Variants in NKAIN2 observed in about 807,000 individuals in gnomAD.
NKAIN2 encodes the protein sodium/potassium transporting ATPase interacting 2, also known as sodium/potassium-transporting ATPase subunit beta-1-interacting protein 2.
A neutral mutation model predicts 32.6 loss-of-function variants in NKAIN2; 14 were observed. That is an observed-to-expected ratio of 0.43 (90% CI 0.28 to 0.67). The LOEUF (loss-of-function observed/expected upper bound fraction) is 0.67. NKAIN2 is among the 30% of genes least tolerant of loss of function. The probability of loss-of-function intolerance (pLI) is 0.17; values close to 1 mark genes in which losing one functional copy is unlikely to be tolerated. For missense variants in NKAIN2, 198 were observed against 258.3 expected, an observed-to-expected ratio of 0.77 and a Z score of 1.60; for synonymous variants, 80 against 87.2, an observed-to-expected ratio of 0.92 and a Z score of 0.46.
At chr6:124,328,083 C>A (rs1797494172) in intron 2 of NKAIN2, among the ~76,000 whole-genome samples, 1 of 151,888 alleles carries the variant, frequency 6.6e-6, no homozygotes, top group African/African-American at 2.4e-5. Context: ...AGGAAAGGAA[C>A]AAAACAATCT....
intron 3 of NKAIN2, among the ~76,000 whole-genome samples, chr6:124,494,947 T>G (rs1166733011): frequency 1.3e-5 from 2 of 152,146 alleles, no homozygotes; most frequent in Non-Finnish European, 2.9e-5. Flanking sequence ...TGAAAAATAC[T>G]ATACTTAGGA....
At chr6:123,872,312 C>T (rs148843631) in intron 1 of NKAIN2, among the ~76,000 whole-genome samples, 2 of 152,240 alleles carry the variant, frequency 1.3e-5, no homozygotes, top group Middle Eastern at 3.4e-3. Flanking sequence ...CCTGAGGAAG[C>T]TTTGGAGACA....
At chr6:124,564,824 A>T (rs977389988) in intron 3 of NKAIN2, among the ~76,000 whole-genome samples, 2 of 152,234 alleles carry the variant, frequency 1.3e-5, no homozygotes, top group Non-Finnish European at 2.9e-5. Context: ...TCAGCAAAAT[A>T]GTTGCAGAAA....
chr6:124,747,049 A>T (rs1440855040), intron 4 of NKAIN2, among the ~76,000 whole-genome samples: 1 of 151,996 alleles, frequency 6.6e-6, no homozygotes, highest in East Asian at 1.9e-4. Flanking sequence ...ACTGGCCATT[A>T]TTCTCTATGA....
chr6:124,114,460 G>C (rs896565871), intron 1 of NKAIN2, among the ~76,000 whole-genome samples: 1 of 152,040 alleles, frequency 6.6e-6, no homozygotes, highest in Non-Finnish European at 1.5e-5. Flanking sequence ...TATTAGATAA[G>C]TTCAAGTAGA....
intron 1 of NKAIN2, among the ~76,000 whole-genome samples, chr6:124,111,718 A>G (rs1017076254): frequency 6.6e-6 from 1 of 151,774 alleles, no homozygotes; most frequent in Admixed American, 6.6e-5. Flanking sequence ...GTTGTTTCTT[A>G]TTATTCTTAC....
intron 3 of NKAIN2, among the ~76,000 whole-genome samples, chr6:124,360,504 G>A (rs191587134): frequency 6.6e-6 from 1 of 152,096 alleles, no homozygotes; most frequent in East Asian, 1.9e-4. Context: ...TAGAGGTATA[G>A]TTAATATATT....
At chr6:124,481,201 C>A (rs1777435327) in intron 3 of NKAIN2, among the ~76,000 whole-genome samples, 1 of 148,910 alleles carries the variant, frequency 6.7e-6, no homozygotes. Flanking sequence ...CAGTGGAACA[C>A]CCAATGAAAA....
chr6:123,955,396 C>A, intron 1 of NKAIN2, among the ~76,000 whole-genome samples: 2 of 151,716 alleles, frequency 1.3e-5, no homozygotes, highest in African/African-American at 4.8e-5. Context: ...AGTATATAGT[C>A]ACTCTAATCT....
chr6:124,090,104 A>T (rs1188074235), intron 1 of NKAIN2, among the ~76,000 whole-genome samples: 1 of 152,022 alleles, frequency 6.6e-6, no homozygotes, highest in Non-Finnish European at 1.5e-5. Flanking sequence ...CTAGCATTTA[A>T]TATATGCTTT....
At chr6:124,090,090 C>T (rs771143011) in intron 1 of NKAIN2, among the ~76,000 whole-genome samples, 1 of 151,992 alleles carries the variant, frequency 6.6e-6, no homozygotes, top group African/African-American at 2.4e-5. Flanking sequence ...ATATTCAATA[C>T]TAACTAGCAT....
At chr6:124,700,081 G>A (rs772530388) in intron 4 of NKAIN2, among the ~76,000 whole-genome samples, 5 of 152,082 alleles carry the variant, frequency 3.3e-5, no homozygotes, top group Non-Finnish European at 5.9e-5. Flanking sequence ...TTATAAAGAT[G>A]ATTTATCGAT....
At chr6:124,141,107 A>T (rs565191845) in intron 1 of NKAIN2, among the ~76,000 whole-genome samples, 1 of 152,188 alleles carries the variant, frequency 6.6e-6, no homozygotes, top group Non-Finnish European at 1.5e-5. Context: ...AAATTAGGCC[A>T]CTAGAAGAAC....
intron 1 of NKAIN2, among the ~76,000 whole-genome samples, chr6:123,908,002 A>G (rs952408185): frequency 3.3e-5 from 5 of 152,202 alleles, no homozygotes; most frequent in African/African-American, 1.2e-4. Flanking sequence ...ATGTATTCAT[A>G]TAAACAATAT....
intron 1 of NKAIN2, among the ~76,000 whole-genome samples, chr6:123,924,062 A>G (rs1273375928): frequency 2.0e-5 from 3 of 152,110 alleles, no homozygotes; most frequent in African/African-American, 7.3e-5. Context: ...TGGTTTAAAT[A>G]TAGAAGTACC....
intron 1 of NKAIN2, among the ~76,000 whole-genome samples, chr6:123,903,166 T>A (rs1189793397): frequency 6.6e-6 from 1 of 152,248 alleles, no homozygotes; most frequent in Non-Finnish European, 1.5e-5. Context: ...ACAGCTAATA[T>A]GAAACGATGC....
chr6:124,246,965 G>A (rs1473386837), intron 1 of NKAIN2, among the ~76,000 whole-genome samples: 3 of 152,002 alleles, frequency 2.0e-5, no homozygotes, highest in Admixed American at 6.6e-5. Flanking sequence ...GGAGGCTTAC[G>A]GGAGCAATCC....
intron 3 of NKAIN2, among the ~76,000 whole-genome samples, chr6:124,394,653 G>GAAA (rs58812785): frequency 8.4e-6 from 1 of 118,508 alleles, no homozygotes. Context: ...CCAAATGGCA[G>GAAA]AAAAAAAAAA....
intron 1 of NKAIN2, among the ~76,000 whole-genome samples, chr6:124,138,351 A>T (rs911588463): frequency 6.6e-6 from 1 of 152,154 alleles, no homozygotes; most frequent in Admixed American, 6.5e-5. Flanking sequence ...GTTGGCATGG[A>T]TGTGGTGAAA....
Sources: allele counts gnomAD v4.1 joint callset (sites outside exome capture counted in the v4.1 genomes callset), GRCh38; gene constraint gnomAD v4.1.1; transcripts MANE v1.5; gene names NCBI Gene and HGNC (gene_info 2026-07-23, HGNC 2026-07-21).